KLHL32: variants seen among roughly 807,000 people sequenced by gnomAD.
KLHL32 encodes kelch like family member 32, also known as kelch-like protein 32.
A neutral mutation model predicts 64.8 loss-of-function variants in KLHL32; 35 were observed. The ratio of observed to expected loss-of-function variants is 0.54; its 90% CI spans 0.41 to 0.72. The LOEUF is 0.72. Among genes scored for constraint, KLHL32 ranks in the 30% least tolerant of loss-of-function variants. The pLI, the probability that KLHL32 is intolerant of heterozygous loss-of-function variation, is 0.00. For missense variants in KLHL32, 589 were observed against 768.5 expected (o/e 0.77, Z 2.76); for synonymous variants, 259 against 281.0 (o/e 0.92, Z 0.78).
Position 97,139,494 on chromosome 6 carries a change from A to G in KLHL32, c.*212A>G, listed in dbSNP as rs1800452395. ...TCAACATTCAATATGTATGACTTTT[A>G]TTGTGGTATAGCTTAGTGCCAATTT... is the stretch of plus-strand genomic sequence containing the variant. On this transcript the variant is annotated 3_prime_UTR_variant, in exon 11 of 11. Coordinates refer to ENST00000369261, the MANE Select transcript of KLHL32 (RefSeq NM_052904.4). 4 of 528,016 alleles carry G rather than the reference A, an allele frequency of 7.6e-6. No individual in the cohort carries two copies. Among genetic ancestry groups the G allele is most frequent in the Non-Finnish European group, 1.3e-5 (4 of 297,562 alleles). 32.7% of individuals were successfully genotyped at this position (528,016 alleles called of 1,614,324 possible). A position where few individuals can be genotyped will look rare whatever the true frequency, so the allele number is the denominator to read the frequency against.
At chr6:97,035,554 T>C (rs1049852159) in intron 3 of KLHL32, among the ~76,000 whole-genome samples, 2 of 152,152 alleles carry the variant, frequency 1.3e-5, no homozygotes, top group African/African-American at 4.8e-5. Context: ...TTTGTTTCCC[T>C]GGGAAAGACT....
chr6:96,966,706 G>C lies in KLHL32; in HGVS notation c.-65-290G>C, dbSNP rs527588989. Among the ~76,000 whole-genome samples the C allele has an allele frequency of 2.5e-3, 382 of 152,032 alleles. 4 individuals carry two copies. Among genetic ancestry groups the C allele is most frequent in the African/African-American group, 8.9e-3 (368 of 41,460 alleles). ...ATCCAATCTTAATTTCTTTCCTTTG[G>C]CCATTCCATCTCTTGTTTTAATTTT... is the stretch of plus-strand genomic sequence containing the variant. On this transcript the variant is annotated intron_variant, in intron 1 of 10. Transcript: ENST00000369261.
Position 97,106,236 on chromosome 6 carries a change from CATATGATTAA to C in KLHL32, c.628-7544_628-7535del, listed in dbSNP as rs201917814. Among the ~76,000 whole-genome samples, 29 of 152,124 alleles carry C rather than the reference CATATGATTAA, an allele frequency of 1.9e-4. 1 individual carries two copies. In the East Asian group the frequency reaches 4.8e-3, roughly 25 times the overall value. On this transcript the variant is annotated intron_variant, in intron 6 of 10. Transcript: ENST00000369261. ...ATATAATTGATATATTTCTGAAATACATATGATTAAATTGCATATTTTAATTGAACTAGGA... is the reference window on the plus strand; with the variant it reads ...ATATAATTGATATATTTCTGAAATACATTGCATATTTTAATTGAACTAGGA...
At chr6:96,907,301 T>C in the KLHL32 span, among the ~76,000 whole-genome samples, 1 of 152,222 alleles carries the variant, frequency 6.6e-6, no homozygotes, top group Non-Finnish European at 1.5e-5. Flanking sequence ...TACTTTCCCA[T>C]TTTCTACCTC....
At chr6:97,036,651 T>C (rs1784333940) in intron 3 of KLHL32, among the ~76,000 whole-genome samples, 1 of 152,186 alleles carries the variant, frequency 6.6e-6, no homozygotes, top group Non-Finnish European at 1.5e-5. Context: ...TTGTGAGGAA[T>C]GTGCAGGGGC....
chr6:97,051,953 T>C (rs1766459), intron 4 of KLHL32, among the ~76,000 whole-genome samples: 27,603 of 152,154 alleles, frequency 0.18, 3,043 homozygotes, highest in African/African-American at 0.32. Context: ...CCCCAGAAGA[T>C]ATGCAGTCTA....
the KLHL32 span, among the ~76,000 whole-genome samples, chr6:96,918,456 T>C: frequency 6.6e-6 from 1 of 152,200 alleles, no homozygotes; most frequent in African/African-American, 2.4e-5. Context: ...GGTTAACAAT[T>C]TTTTTTCTTA....
intron 1 of KLHL32, among the ~76,000 whole-genome samples, chr6:96,953,452 A>C (rs1772875884): frequency 6.6e-6 from 1 of 152,296 alleles, no homozygotes; most frequent in South Asian, 2.1e-4. Flanking sequence ...CAACATGGCG[A>C]AACCCTGTTT....
intron 6 of KLHL32, among the ~76,000 whole-genome samples, chr6:97,086,550 C>T (rs994183032): frequency 6.6e-6 from 1 of 152,206 alleles, no homozygotes; most frequent in East Asian, 1.9e-4. Flanking sequence ...CTGTGCCTTA[C>T]TCAGAGTCAC....
chr6:97,110,776 A>G (rs1797009704), intron 6 of KLHL32, among the ~76,000 whole-genome samples: 1 of 152,248 alleles, frequency 6.6e-6, no homozygotes, highest in Non-Finnish European at 1.5e-5. Context: ...GAACCGGAGC[A>G]CGGGCAATGG....
intron 4 of KLHL32, among the ~76,000 whole-genome samples, chr6:97,051,199 T>A (rs1786845022): frequency 6.6e-6 from 1 of 152,218 alleles, no homozygotes; most frequent in Non-Finnish European, 1.5e-5. Flanking sequence ...ATGACAAGGA[T>A]GAGTGTGGCC....
chr6:97,002,238 T>G (rs1582660777), intron 3 of KLHL32, among the ~76,000 whole-genome samples: 1 of 152,206 alleles, frequency 6.6e-6, no homozygotes, highest in East Asian at 1.9e-4. Flanking sequence ...ACTTAGCCTT[T>G]TATTCTCTCC....
intron 4 of KLHL32, among the ~76,000 whole-genome samples, chr6:97,044,177 C>G (rs531662195): frequency 6.6e-6 from 1 of 152,100 alleles, no homozygotes; most frequent in East Asian, 1.9e-4. Context: ...CTATGCCTAA[C>G]TTGTTGAGAG....
intron 3 of KLHL32, among the ~76,000 whole-genome samples, chr6:96,995,525 C>A (rs6924486): frequency 6.6e-6 from 1 of 151,978 alleles, no homozygotes; most frequent in South Asian, 2.1e-4. Context: ...TACCAGGCTC[C>A]AGGAGTGGCT....
chr6:97,018,792 A>G (rs963776173), intron 3 of KLHL32, among the ~76,000 whole-genome samples: 3 of 152,230 alleles, frequency 2.0e-5, no homozygotes, highest in Admixed American at 6.5e-5. Context: ...AATCTATCAG[A>G]TGACAGTTAT....
chr6:96,994,699 C>G lies in KLHL32; in HGVS notation c.204+18522C>G, dbSNP rs927531620. On this transcript the variant is annotated intron_variant, in intron 3 of 10. Coordinates refer to ENST00000369261, the MANE Select transcript of KLHL32 (RefSeq NM_052904.4). ...TACTATGAGTTCCTGTGATCATCAC[C>G]ATTTTAAAAGAAAGTGAAAAAACAC... The G allele has an allele frequency of 3.4e-6, 3 of 893,768 alleles. No homozygotes were observed. The East Asian group carries it at 3.6e-4, about 107-fold the overall frequency. 55.4% of individuals were successfully genotyped at this position (893,768 alleles called of 1,614,324 possible).
At chr6:97,009,411 C>T (rs1419161650) in intron 3 of KLHL32, among the ~76,000 whole-genome samples, 1 of 152,084 alleles carries the variant, frequency 6.6e-6, no homozygotes, top group Non-Finnish European at 1.5e-5. Context: ...CATTGGCTCT[C>T]TGGGCACCTA....
At chr6:96,966,053 A>G (rs1337837120) in intron 1 of KLHL32, among the ~76,000 whole-genome samples, 1 of 152,234 alleles carries the variant, frequency 6.6e-6, no homozygotes, top group Non-Finnish European at 1.5e-5. Flanking sequence ...ATTGTAAATC[A>G]TAGCTCTCTC....
chr6:97,003,834 G>A (rs1380078898), intron 3 of KLHL32, among the ~76,000 whole-genome samples: 3 of 152,116 alleles, frequency 2.0e-5, no homozygotes, highest in African/African-American at 2.4e-5. Flanking sequence ...TCTCTATTCT[G>A]TTCCGTTGGT....
Sources: gnomAD v4.1 joint callset for allele counts (sites outside exome capture counted in the v4.1 genomes callset) on GRCh38, gnomAD v4.1.1 for gene constraint, MANE v1.5 for transcripts, NCBI Gene and HGNC (gene_info 2026-07-23, HGNC 2026-07-21) for gene names.